Variants in NOTUM observed in about 807,000 individuals in gnomAD.
The protein encoded by NOTUM is palmitoleoyl-protein carboxylesterase NOTUM.
A neutral mutation model predicts 65.5 loss-of-function variants in NOTUM; 36 were observed. That is an observed-to-expected ratio of 0.55 (90% CI 0.42 to 0.73). The LOEUF (loss-of-function observed/expected upper bound fraction) is 0.73, where lower values mean the gene tolerates loss of function less well. Among genes scored for constraint, NOTUM ranks in the 30% least tolerant of loss-of-function variants. The pLI, the probability that NOTUM is intolerant of heterozygous loss-of-function variation, is 0.00. For missense variants in NOTUM, 659 were observed against 694.2 expected (o/e 0.95, Z 0.57); for synonymous variants, 356 against 297.9 (o/e 1.20, Z -2.01).
chr17:81,955,028 T>G (rs2041420585), intron 9 of NOTUM, among the ~76,000 whole-genome samples: 1 of 152,028 alleles, frequency 6.6e-6, no homozygotes, highest in African/African-American at 2.4e-5. Context: ...TCACCCAGGC[T>G]GGAGTGCAGT....
Position 81,958,315 on chromosome 17 carries a change from C to T in NOTUM, c.592+20G>A. On this transcript the variant is annotated intron_variant, in intron 5 of 10. Coordinates refer to ENST00000409678, the MANE Select transcript of NOTUM (RefSeq NM_178493.6). ...GGCCCCGTCCCTGCCCTGCCATGCC[C>T]TGGGAAGGCCGAGACTCACTCTTCT... 1 of 1,580,118 alleles carries T rather than the reference C, an allele frequency of 6.3e-7. No individual in the cohort carries two copies.
intron 3 of NOTUM, 173 bp from the exon 4 acceptor site, chr17:81,959,168 A>C (rs1598369226): frequency 4.7e-6 from 3 of 636,088 alleles, no homozygotes; most frequent in Non-Finnish European, 8.4e-6. Flanking sequence ...GGGTTTAGTT[A>C]CCCCCGGGAA....
In NOTUM at chr17:81,960,784, C is replaced by G. The variant is rs762381226; in HGVS notation, c.126G>C (p.Ala42=). The change falls in exon 1 of 11, where the codon GCG becomes GCC. Residue 42 remains alanine (A), a synonymous_variant. Transcript: ENST00000409678. The surrounding 1 kb of genome is among the most constrained non-coding windows in gnomAD (Gnocchi z 6.4). The part of the protein sequence containing the change: ...QPPPPPRTEA[A]PAAGQPVESF... ...TCTCCACGGGCTGTCCGGCCGCCGG[C>G]GCCGCCTCGGTCCGCGGGGGAGGAG... The G allele has an allele frequency of 1.9e-6, 3 of 1,563,442 alleles. No homozygotes were observed. Among genetic ancestry groups the G allele is most frequent in the Non-Finnish European group, 2.6e-6 (3 of 1,155,658 alleles).
rs1334057770 is a variant in NOTUM, at chr17:81,953,193, T to A, written c.1259A>T (p.Asp420Val). ...GGGGGTCTTGCTGGCCTTGTGGCTG[T>A]CATGGAGGCTCCTGTCCCAGCAGTG... ...ALHCWDRSLH[D>V]SHKASKTPLK... The change falls in exon 11 of 11, where the codon GAC becomes GTC. Residue 420 changes from aspartate (D) to valine (V), a missense_variant. By Grantham distance (152) the Asp-to-Val change is radical. Transcript: ENST00000409678. 6.2e-7 allele frequency: 1 copy of A among 1,612,958 alleles called. No homozygotes were observed. The highest frequency in any genetic ancestry group is 1.7e-5 in the Admixed American group (1 of 59,986).
chr17:81,956,535 A>G, intron 8 of NOTUM, 115 bp downstream of exon 8: 1 of 716,152 alleles, frequency 1.4e-6, no homozygotes, highest in Non-Finnish European at 2.4e-6. Context: ...TCCCTGGACC[A>G]GGGCCGTGGT....
At position 81,957,165 on chromosome 17, in the gene NOTUM, G is replaced by A. The variant is rs920537483; in HGVS notation, c.696-91C>T. The A allele has an allele frequency of 3.5e-5, 37 of 1,067,976 alleles. No homozygotes were observed. In the African/African-American group the frequency reaches 5.0e-4, roughly 15 times the overall value. The allele number at this position is 1,067,976 out of a possible 1,614,324, so 66.2% of individuals were successfully genotyped here. ...TCAGCGTCAGCCCGTGCCCCGAGGG[G>A]GGCAGGAGTCCTGATGCGTTCTGAA... On this transcript the variant is annotated intron_variant, in intron 6 of 10. Transcript: ENST00000409678.
chr17:81,960,706 C>T lies in NOTUM; in HGVS notation c.204G>A (p.Ala68=), dbSNP rs1179263852. 2.5e-6 allele frequency: 4 copies of T among 1,603,574 alleles called. No individual in the cohort carries two copies. The highest frequency in any genetic ancestry group is 2.7e-5 in the African/African-American group (2 of 74,754). Residue 68 remains alanine (A), a synonymous_variant, in exon 1 of 11, where the codon GCG becomes GCA. Transcript: ENST00000409678. The surrounding 1 kb of genome is among the most constrained non-coding windows in gnomAD (Gnocchi z 6.4). ...GGGACTGCGCCAGGCTCTTGACTTG[C>T]GCCATGAAGCTGTCCATGTTACCCT... ...AVEGNMDSFM[A]QVKSLAQSLY... is the part of the protein sequence containing the mutation.
intron 4 of NOTUM, among the ~76,000 whole-genome samples, chr17:81,958,621 A>C (rs2041451011): frequency 6.6e-6 from 1 of 151,284 alleles, no homozygotes; most frequent in African/African-American, 2.4e-5. Flanking sequence ...TCAGGACAGG[A>C]CCCCCCAGGA....
At position 81,960,175 on chromosome 17, in the gene NOTUM, G is replaced by A. The variant is rs2041463934; in HGVS notation, c.323+412C>T. Among the ~76,000 whole-genome samples, 1 of 152,066 alleles carries A rather than the reference G, an allele frequency of 6.6e-6. No homozygotes were observed. Among genetic ancestry groups the A allele is most frequent in the East Asian group, 1.9e-4 (1 of 5,162 alleles). On this transcript the variant is annotated intron_variant, in intron 1 of 10. Coordinates refer to ENST00000409678, the MANE Select transcript of NOTUM (RefSeq NM_178493.6). The surrounding 1 kb of genome is among the most constrained non-coding windows in gnomAD (Gnocchi z 6.4). Reference sequence around the variant, plus strand: ...TGTCCTCGGCCTGTTGAGCGCGTGGGCGGCCCCGCCGCTCCCCGACCCCCG... The same window carrying A: ...TGTCCTCGGCCTGTTGAGCGCGTGGACGGCCCCGCCGCTCCCCGACCCCCG...
At chr17:81,953,326 A>T in intron 10 of NOTUM, 59 bp from the exon 11 acceptor site, 4 of 1,173,848 alleles carry the variant, frequency 3.4e-6, no homozygotes, top group Non-Finnish European at 4.8e-6. Context: ...ACACTGAGGC[A>T]GCTGTTTTTT....
At chr17:81,956,498 C>A (rs1392358526) in intron 8 of NOTUM, 152 bp downstream of exon 8, 8 of 615,266 alleles carry the variant, frequency 1.3e-5, no homozygotes, top group Middle Eastern at 3.2e-4. Flanking sequence ...CACAGCCGGC[C>A]TCCTCCCTGG....
At position 81,953,273 on chromosome 17, in the gene NOTUM, G is replaced by C; in HGVS notation, c.1185-6C>G. The C allele has an allele frequency of 6.4e-7, 1 of 1,573,514 alleles. No homozygotes were observed. The highest frequency in any genetic ancestry group is 8.6e-7 in the Non-Finnish European group (1 of 1,158,518). On this transcript the variant is annotated splice_polypyrimidine_tract_variant and splice_region_variant and intron_variant, in intron 10 of 10. Coordinates refer to ENST00000409678, the MANE Select transcript of NOTUM (RefSeq NM_178493.6). ...CCTGGACATCCGTCCAGTGGCTGCA[G>C]AGGAAAACCGGGGGAGGGGGTCACA... is the stretch of plus-strand genomic sequence containing the variant.
chr17:81,959,459 C>A lies in NOTUM; in HGVS notation c.472+12G>T, dbSNP rs777372445. 5.2e-6 allele frequency: 8 copies of A among 1,541,818 alleles called. No individual in the cohort carries two copies. In the South Asian group the frequency reaches 9.5e-5, roughly 18 times the overall value. On this transcript the variant is annotated intron_variant, in intron 3 of 10. Coordinates refer to ENST00000409678, the MANE Select transcript of NOTUM (RefSeq NM_178493.6). ...TCACGTCGAGACGCCTTCCCCAGGG[C>A]CCGCCGCTGACCTGTGCGAGTGCGC...
At position 81,953,281 on chromosome 17, in the gene NOTUM, C is replaced by A. The variant is rs2041401622; in HGVS notation, c.1185-14G>T. The A allele has an allele frequency of 2.6e-6, 4 of 1,561,968 alleles. No individual in the cohort carries two copies. In the East Asian group the frequency reaches 6.8e-5, roughly 26 times the overall value. On this transcript the variant is annotated splice_polypyrimidine_tract_variant and intron_variant, in intron 10 of 10. Coordinates refer to ENST00000409678, the MANE Select transcript of NOTUM (RefSeq NM_178493.6). ...TCCGTCCAGTGGCTGCAGAGGAAAA[C>A]CGGGGGAGGGGGTCACATGTGCGGA...
intron 8 of NOTUM, 82 bp downstream of exon 8, chr17:81,956,568 T>C: frequency 1.0e-6 from 1 of 960,764 alleles, no homozygotes; most frequent in Non-Finnish European, 1.6e-6. Context: ...CCCAGAAGAC[T>C]GGAGTCCACG....
At chr17:81,958,524 T>C (rs551674936) in intron 4 of NOTUM, 131 bp from the exon 5 acceptor site, 252 of 664,126 alleles carry the variant, frequency 3.8e-4, no homozygotes, top group South Asian at 2.2e-3. Context: ...CATCCCAGGA[T>C]AGAACTTCCC....
rs1395987053 is a variant in NOTUM, at chr17:81,952,661, G to A, written c.*300C>T. The A allele has an allele frequency of 4.6e-6, 2 of 433,334 alleles. No individual in the cohort carries two copies. The highest frequency in any genetic ancestry group is 4.4e-5 in the South Asian group (1 of 22,546). The allele number at this position is 433,334 out of a possible 1,614,324, so 26.8% of individuals were successfully genotyped here. ...AAAGGGCTTGATGGGTGGGGCCGGTGGGTGCTGTCTGAGCTGGTGGACTGA... is the reference window on the plus strand; with the variant it reads ...AAAGGGCTTGATGGGTGGGGCCGGTAGGTGCTGTCTGAGCTGGTGGACTGA... On this transcript the variant is annotated 3_prime_UTR_variant, in exon 11 of 11. Coordinates refer to ENST00000409678, the MANE Select transcript of NOTUM (RefSeq NM_178493.6).
rs1284892933 is a variant in NOTUM, at chr17:81,960,949, G to A, written c.-40C>T. ...GCGGGGAGCGGGCGGCCTTGAGGCGGCGGCGGCGGCGGCGGGGGATGCCGG... is the reference window on the plus strand; with the variant it reads ...GCGGGGAGCGGGCGGCCTTGAGGCGACGGCGGCGGCGGCGGGGGATGCCGG... On this transcript the variant is annotated 5_prime_UTR_variant, in exon 1 of 11. Transcript: ENST00000409678. This position sits in a 1 kb window ranked among gnomAD's most constrained non-coding sequence, Gnocchi z 6.4. 1.8e-6 allele frequency: 2 copies of A among 1,130,968 alleles called. No homozygotes were observed. Among genetic ancestry groups the A allele is most frequent in the Non-Finnish European group, 2.2e-6 (2 of 909,364 alleles). The allele number at this position is 1,130,968 out of a possible 1,614,324, so 70.1% of individuals were successfully genotyped here. A position where few individuals can be genotyped will look rare whatever the true frequency, so the allele number is the denominator to read the frequency against.
At chr17:81,959,324 G>A (rs909825723) in intron 3 of NOTUM, 147 bp downstream of exon 3, 25 of 655,080 alleles carry the variant, frequency 3.8e-5, no homozygotes, top group Non-Finnish European at 5.2e-5. Context: ...AAAGGCAAGA[G>A]TGAAGGGCGC....
Sources: allele counts gnomAD v4.1 joint callset (sites outside exome capture counted in the v4.1 genomes callset), GRCh38; gene constraint gnomAD v4.1.1; non-coding constraint Gnocchi (gnomAD v3.1); transcripts MANE v1.5; gene names NCBI Gene and HGNC (gene_info 2026-07-23, HGNC 2026-07-21).